Variants in MAMLD1 observed in about 807,000 individuals in gnomAD.
The protein encoded by MAMLD1 is mastermind-like domain-containing protein 1.
In MAMLD1, 14 loss-of-function variants were observed where a neutral mutation model predicts 45.0. The observed-to-expected ratio is 0.31, with a 90% CI of 0.21 to 0.49. The LOEUF (loss-of-function observed/expected upper bound fraction) is 0.49. Among genes scored for constraint, MAMLD1 ranks in the 20% least tolerant of loss-of-function variants. The probability of loss-of-function intolerance (pLI) is 0.99; values close to 1 mark genes in which losing one functional copy is unlikely to be tolerated. For missense variants in MAMLD1, 543 were observed against 603.6 expected, an observed-to-expected ratio of 0.90 and a Z score of 1.05; for synonymous variants, 254 against 247.8, an observed-to-expected ratio of 1.02 and a Z score of -0.24.
intron 1 of MAMLD1, among the ~76,000 whole-genome samples, chrX:150,429,381 A>C (rs1557403945): frequency 9.0e-6 from 1 of 110,888 alleles, no homozygotes; most frequent in Non-Finnish European, 1.9e-5. Context: ...CAAAAGCAGT[A>C]AGAAGAATTG....
chrX:150,484,292 AT>A (rs2036917783), intron 5 of MAMLD1, among the ~76,000 whole-genome samples: 3 of 112,547 alleles, frequency 2.7e-5, no homozygotes, highest in Non-Finnish European at 5.6e-5. Flanking sequence ...TTTGATAGCC[AT>A]TTTAATCATT....
chrX:150,473,800 A>T lies in MAMLD1; in HGVS notation c.2038A>T (p.Ile680Phe). 8.3e-7 allele frequency: 1 copy of T among 1,210,651 alleles called. No homozygotes were observed. Among genetic ancestry groups the T allele is most frequent in the Non-Finnish European group, 1.1e-6 (1 of 894,433 alleles). Residue 680 changes from isoleucine (I) to phenylalanine (F), a missense_variant and splice_region_variant, in exon 5 of 8, where the codon ATT becomes TTT. By Grantham distance (21) the Ile-to-Phe change is conservative (BLOSUM62 0). Coordinates refer to ENST00000370401, the MANE Select transcript of MAMLD1 (RefSeq NM_005491.5). ...PQPGDVSPSN[I>F]THVDKACKLG... is the part of the protein sequence containing the mutation. ...GCCTGGAGACGTGTCACCGTCTAAC[A>T]TTGTGAGCCTTTCTGTTTTGTTTTG...
chrX:150,492,938 G>A (rs1557408013), intron 5 of MAMLD1, among the ~76,000 whole-genome samples: 1 of 111,602 alleles, frequency 9.0e-6, no homozygotes. Flanking sequence ...AAAACCAGAT[G>A]GGTCAGAAGA....
At chrX:150,482,920 A>G (rs2036864854) in intron 5 of MAMLD1, among the ~76,000 whole-genome samples, 1 of 112,089 alleles carries the variant, frequency 8.9e-6, no homozygotes, top group African/African-American at 3.2e-5. Context: ...GAGATGAGAA[A>G]CCCACTTGCT....
intron 2 of MAMLD1, 30 bp downstream of exon 2, chrX:150,445,642 G>T: frequency 9.7e-7 from 1 of 1,034,608 alleles, no homozygotes; most frequent in Non-Finnish European, 1.4e-6. Context: ...GGGGAGGGGG[G>T]TATTTAATGC....
chrX:150,482,014 AAGAAAGAAAG>A (rs2036823786), intron 5 of MAMLD1, among the ~76,000 whole-genome samples: 4 of 108,962 alleles, frequency 3.7e-5, no homozygotes, highest in Non-Finnish European at 5.7e-5. Context: ...GAAAGAAAGA[AAGAAAGAAAG>A]AAAGAAAGAA....
In MAMLD1 at chrX:150,470,078, G is replaced by A. The variant is rs781882571; in HGVS notation, c.505G>A (p.Val169Met). The change falls in exon 4 of 8, where the codon GTG (valine) becomes ATG (methionine). Residue 169 changes from valine to methionine, a missense_variant. Transcript: ENST00000370401. ...TCCTTACTATGAGAAAATCAACAGC[G>A]TGCCGGCTGTAGACCAGGAGCTTCA... ...TVPYYEKINS[V>M]PAVDQELQEL... The A allele has an allele frequency of 1.2e-5, 15 of 1,209,818 alleles. No individual in the cohort carries two copies. The highest frequency in any genetic ancestry group is 5.9e-5 in the East Asian group (2 of 33,738).
At position 150,422,101 on chromosome X, in the gene MAMLD1, G is replaced by A. The variant is rs782736602; in HGVS notation, c.-63-23353G>A. On this transcript the variant is annotated intron_variant, in intron 1 of 7. Coordinates refer to ENST00000370401, the MANE Select transcript of MAMLD1 (RefSeq NM_005491.5). ...GCAACTCAGAGAGGTGAAGCTACTC[G>A]TCTGTCAGCTTGCCAGGGAGAGGTT... 5.3e-5 allele frequency among the ~76,000 whole-genome samples: 6 copies of A among 112,509 alleles called. No homozygotes were observed. In the South Asian group the frequency reaches 1.5e-3, roughly 28 times the overall value.
In MAMLD1 at chrX:150,398,340, AGAG is replaced by A. The variant is rs1569564630; in HGVS notation, c.-64+34813_-64+34815del. Among the ~76,000 whole-genome samples the A allele has an allele frequency of 5.9e-3, 369 of 62,206 alleles. 5 individuals are homozygous for A. Among genetic ancestry groups the A allele is most frequent in the East Asian group, 0.011 (22 of 2,009 alleles). 54.0% of individuals were successfully genotyped at this position (62,206 alleles called of 115,157 possible). On this transcript the variant is annotated intron_variant, in intron 1 of 7. Transcript: ENST00000370401. ...AAGAAGAAGAAGAAGAAGAAGAAGA[AGAG>A]GAAGAGGAAGAGGAAGAGGAAGAGG... is the stretch of plus-strand genomic sequence containing the variant.
intron 1 of MAMLD1, among the ~76,000 whole-genome samples, chrX:150,436,934 T>C (rs887727318): frequency 1.8e-5 from 2 of 110,197 alleles, no homozygotes; most frequent in Non-Finnish European, 3.8e-5. Flanking sequence ...GGGGGTTTGA[T>C]TGTGATATAA....
intron 1 of MAMLD1, among the ~76,000 whole-genome samples, chrX:150,405,576 G>A (rs924089173): frequency 1.2e-4 from 13 of 112,074 alleles, no homozygotes; most frequent in African/African-American, 4.2e-4. Flanking sequence ...GGAACCCATC[G>A]CAATGGGACA....
At chrX:150,403,935 G>GA (rs1217769228) in intron 1 of MAMLD1, among the ~76,000 whole-genome samples, 15 of 72,313 alleles carry the variant, frequency 2.1e-4, no homozygotes, top group Non-Finnish European at 3.6e-4. Flanking sequence ...GACAGAGAAA[G>GA]AAAGAAAAGA....
chrX:150,391,936 A>G (rs1414577383), intron 1 of MAMLD1, among the ~76,000 whole-genome samples: 18 of 111,932 alleles, frequency 1.6e-4, no homozygotes, highest in African/African-American at 5.9e-4. Context: ...CTGGCAAAAT[A>G]GAGCGCTGAC....
At position 150,364,055 on chromosome X, in the gene MAMLD1, G is replaced by C. The variant is rs1557400600; in HGVS notation, c.-64+525G>C. ...AGTGTGGAGTGTGCGCGCCGAATCC[G>C]CTGCCCTGCACTCCCTCCCCTGCCA... On this transcript the variant is annotated intron_variant, in intron 1 of 7. Transcript: ENST00000370401. Among the ~76,000 whole-genome samples the C allele has an allele frequency of 2.7e-5, 3 of 112,939 alleles. No individual in the cohort carries two copies. In the Admixed American group the frequency reaches 2.8e-4, roughly 10 times the overall value.
chrX:150,415,573 T>C (rs782149474), intron 1 of MAMLD1, among the ~76,000 whole-genome samples: 33 of 112,595 alleles, frequency 2.9e-4, no homozygotes, highest in Non-Finnish European at 5.1e-4. Flanking sequence ...CTTGATTAGA[T>C]GAATAAACAA....
chrX:150,489,501 T>C (rs2037105072), intron 5 of MAMLD1, among the ~76,000 whole-genome samples: 1 of 109,142 alleles, frequency 9.2e-6, no homozygotes, highest in African/African-American at 3.3e-5. Flanking sequence ...TATTGTGGGT[T>C]AGGTTTCAAC....
intron 1 of MAMLD1, among the ~76,000 whole-genome samples, chrX:150,391,606 G>A (rs181255418): frequency 1.8e-5 from 2 of 110,616 alleles, no homozygotes; most frequent in African/African-American, 6.6e-5. Flanking sequence ...TCATTAATTT[G>A]TTTGAAGTGT....
At chrX:150,462,926 C>T in intron 3 of MAMLD1, 80 bp downstream of exon 3, 3 of 719,480 alleles carry the variant, frequency 4.2e-6, no homozygotes, top group Non-Finnish European at 4.4e-6. Context: ...AAGGGACCTA[C>T]AAGAGGTCAC....
intron 1 of MAMLD1, among the ~76,000 whole-genome samples, chrX:150,401,602 T>C (rs372127906): frequency 7.3e-4 from 80 of 109,328 alleles, no homozygotes; most frequent in Middle Eastern, 9.3e-3. Context: ...AAAAAGAGCC[T>C]GCATCGCCAA....
Sources: gnomAD v4.1 joint callset for allele counts (sites outside exome capture counted in the v4.1 genomes callset) on GRCh38, gnomAD v4.1.1 for gene constraint, MANE v1.5 for transcripts, NCBI Gene and HGNC (gene_info 2026-07-23, HGNC 2026-07-21) for gene names.